Variants in ZMIZ1 observed in about 807,000 individuals in gnomAD.
ZMIZ1 encodes the protein zinc finger MIZ-type containing 1, also known as zinc finger MIZ domain-containing protein 1.
A neutral mutation model predicts 113.9 loss-of-function variants in ZMIZ1; 17 were observed. The observed-to-expected ratio is 0.15, with a 90% CI of 0.10 to 0.22. ZMIZ1 has a LOEUF of 0.22. Among genes scored for constraint, ZMIZ1 ranks in the 10% least tolerant of loss-of-function variants. ZMIZ1 has a pLI of 1.00. For synonymous variants in ZMIZ1, 607 were observed against 603.1 expected (o/e 1.01, Z -0.09); for missense variants, 1,059 against 1,477.8 (o/e 0.72, Z 4.65).
chr10:79,262,705 G>A lies in ZMIZ1; in HGVS notation c.281-14476G>A, dbSNP rs998127964. Reference sequence around the variant, plus strand: ...TCTTGAACGGCGTGTGCTTGTGCACGACTAAAACCGGTAGCTAGCATGCTA... The same window carrying A: ...TCTTGAACGGCGTGTGCTTGTGCACAACTAAAACCGGTAGCTAGCATGCTA... On this transcript the variant is annotated intron_variant, in intron 7 of 24. Transcript: ENST00000334512. Among the ~76,000 whole-genome samples the A allele has an allele frequency of 6.6e-5, 10 of 152,200 alleles. 1 individual carries two copies. Among genetic ancestry groups the A allele is most frequent in the East Asian group, 5.8e-4 (3 of 5,198 alleles).
intron 7 of ZMIZ1, among the ~76,000 whole-genome samples, chr10:79,258,891 A>G (rs1417265086): frequency 1.3e-5 from 2 of 152,108 alleles, no homozygotes; most frequent in Admixed American, 6.5e-5. Context: ...TTTGGGGCGA[A>G]CTCACTCCCC....
intron 7 of ZMIZ1, among the ~76,000 whole-genome samples, chr10:79,268,240 T>C (rs1458043406): frequency 2.0e-5 from 3 of 152,222 alleles, no homozygotes; most frequent in African/African-American, 7.2e-5. Flanking sequence ...TGCTGTGAAC[T>C]GCTTGCCTCC....
intron 1 of ZMIZ1, among the ~76,000 whole-genome samples, chr10:79,098,274 A>G (rs1237506457): frequency 1.3e-5 from 2 of 152,214 alleles, no homozygotes; most frequent in Admixed American, 1.3e-4. Flanking sequence ...GACTTTGGCC[A>G]GGCCAGGCCC....
intron 1 of ZMIZ1, among the ~76,000 whole-genome samples, chr10:79,100,124 A>G (rs1456756661): frequency 1.3e-5 from 2 of 152,116 alleles, no homozygotes; most frequent in Non-Finnish European, 2.9e-5. Context: ...TCACTAGGGA[A>G]CAAGACTGGG....
chr10:79,136,628 A>G (rs1845021658), intron 2 of ZMIZ1, among the ~76,000 whole-genome samples: 1 of 152,244 alleles, frequency 6.6e-6, no homozygotes, highest in African/African-American at 2.4e-5. Flanking sequence ...GTCTGGGTTC[A>G]CATCTTGGTT....
At position 79,208,422 on chromosome 10, in the gene ZMIZ1, C is replaced by G; in HGVS notation, c.147C>G (p.Phe49Leu). Residue 49 changes from phenylalanine to leucine, a missense_variant, in exon 6 of 25, where the codon TTC becomes TTG. Phe to Leu is a conservative substitution (Grantham distance 22, BLOSUM62 0). Coordinates refer to ENST00000334512, the MANE Select transcript of ZMIZ1 (RefSeq NM_020338.4). ...CGDPRAFQRP[F>L]EQSLMGCLTV... is the part of the protein sequence containing the mutation. ...ACCCACGGGCCTTCCAGCGGCCCTT[C>G]GAGCAGAGCCTGATGGGCTGTTTGA... The G allele has an allele frequency of 6.2e-7, 1 of 1,613,950 alleles. No homozygotes were observed. The highest frequency in any genetic ancestry group is 8.5e-7 in the Non-Finnish European group (1 of 1,180,012).
chr10:79,089,553 T>G (rs1339616141), intron 1 of ZMIZ1, among the ~76,000 whole-genome samples: 1 of 152,174 alleles, frequency 6.6e-6, no homozygotes, highest in Non-Finnish European at 1.5e-5. Context: ...ACTGCTGTGT[T>G]GGATCAGAGG....
At chr10:79,241,383 AAATGAC>A (rs1849822875) in intron 7 of ZMIZ1, among the ~76,000 whole-genome samples, 1 of 152,216 alleles carries the variant, frequency 6.6e-6, no homozygotes, top group South Asian at 2.1e-4. Context: ...CTCAGTGAGT[AAATGAC>A]TGTCCCCAAA....
intron 4 of ZMIZ1, among the ~76,000 whole-genome samples, chr10:79,187,514 T>C (rs1337173685): frequency 6.6e-6 from 1 of 152,174 alleles, no homozygotes; most frequent in Non-Finnish European, 1.5e-5. Context: ...GGATGATGTA[T>C]GCAAAGGGGC....
intron 6 of ZMIZ1, among the ~76,000 whole-genome samples, chr10:79,209,587 A>C (rs1243531969): frequency 7.9e-5 from 12 of 152,242 alleles, no homozygotes. Context: ...GCCCACGGGC[A>C]CCAGGCTTCC....
chr10:79,138,072 G>A (rs1370071410), intron 2 of ZMIZ1, among the ~76,000 whole-genome samples: 1 of 152,218 alleles, frequency 6.6e-6, no homozygotes, highest in Non-Finnish European at 1.5e-5. Flanking sequence ...GGGGCAGGCG[G>A]CGGGCACTGG....
intron 3 of ZMIZ1, among the ~76,000 whole-genome samples, chr10:79,155,430 G>A (rs1048555363): frequency 6.6e-6 from 1 of 152,190 alleles, no homozygotes; most frequent in Non-Finnish European, 1.5e-5. Context: ...CCTAGTTCCC[G>A]TTTTTATCAT....
Position 79,291,035 on chromosome 10 carries a change from C to T in ZMIZ1, c.617C>T (p.Thr206Ile), listed in dbSNP as rs768565953. 1 of 1,614,266 alleles carries T rather than the reference C, an allele frequency of 6.2e-7. No individual in the cohort carries two copies. The highest frequency in any genetic ancestry group is 1.7e-5 in the Admixed American group (1 of 60,034). ...GGNPMASGMT[T>I]SNPGLNSPQF... ...AACCCCATGGCGTCGGGCATGACCA[C>T]CAGCAACCCAGGCCTCAACTCCCCA... Residue 206 changes from threonine to isoleucine, a missense_variant, in exon 10 of 25, where the codon ACC becomes ATC. Around this residue, in one of 6 missense-constraint regions of ZMIZ1, gnomAD observed 272 missense variants for 350.4 expected, o/e 0.78. Transcript: ENST00000334512.
At chr10:79,113,791 GC>G (rs1843860505) in intron 1 of ZMIZ1, among the ~76,000 whole-genome samples, 1 of 151,486 alleles carries the variant, frequency 6.6e-6, no homozygotes, top group Non-Finnish European at 1.5e-5. Context: ...TTTCCTCTGA[GC>G]CCCCTCTCCA....
At chr10:79,180,170 C>A (rs1589385323) in intron 4 of ZMIZ1, among the ~76,000 whole-genome samples, 1 of 152,316 alleles carries the variant, frequency 6.6e-6, no homozygotes, top group East Asian at 1.9e-4. Context: ...TCAGGGACAG[C>A]CCTCAGGGGG....
intron 7 of ZMIZ1, among the ~76,000 whole-genome samples, chr10:79,270,208 A>G (rs1170158909): frequency 6.6e-6 from 1 of 152,182 alleles, no homozygotes; most frequent in Non-Finnish European, 1.5e-5. Context: ...CCCCTAACGG[A>G]CAGACAGTAT....
intron 1 of ZMIZ1, among the ~76,000 whole-genome samples, chr10:79,070,505 G>A (rs1842230405): frequency 6.6e-6 from 1 of 152,058 alleles, no homozygotes; most frequent in South Asian, 2.1e-4. Flanking sequence ...GCGGGAGGGC[G>A]GGCGGACGGG....
chr10:79,111,553 G>A (rs775892317), intron 1 of ZMIZ1, among the ~76,000 whole-genome samples: 53 of 152,102 alleles, frequency 3.5e-4, no homozygotes, highest in Non-Finnish European at 1.0e-4. Flanking sequence ...CGGGGGAGGC[G>A]CACCCTCAGG....
intron 7 of ZMIZ1, among the ~76,000 whole-genome samples, chr10:79,245,515 T>C (rs1002977740): frequency 9.9e-5 from 15 of 151,958 alleles, no homozygotes; most frequent in Non-Finnish European, 2.1e-4. Flanking sequence ...CCCATTGGAG[T>C]TGGGACGGGG....
Sources: gnomAD v4.1 joint callset for allele counts (sites outside exome capture counted in the v4.1 genomes callset) on GRCh38, gnomAD v4.1.1 for gene constraint, gnomAD v4.1.1 regional missense constraint, MANE v1.5 for transcripts, NCBI Gene and HGNC (gene_info 2026-07-23, HGNC 2026-07-21) for gene names.